CSMD2: variants seen among roughly 807,000 people sequenced by gnomAD.
CSMD2 encodes the protein CUB and sushi domain-containing protein 2.
In CSMD2, 130 loss-of-function variants were observed where a neutral mutation model predicts 398.5. The ratio of observed to expected loss-of-function variants is 0.33; its 90% confidence interval spans 0.28 to 0.38. The LOEUF is 0.38. Among genes scored for constraint, CSMD2 ranks in the 10% least tolerant of loss-of-function variants. The probability of loss-of-function intolerance (pLI) is 1.00; values close to 1 mark genes in which losing one functional copy is unlikely to be tolerated. For synonymous variants in CSMD2, 1,828 were observed against 1,908.5 expected, an observed-to-expected ratio of 0.96 and a Z score of 1.10; for missense variants, 3,829 against 4,764.9, an observed-to-expected ratio of 0.80 and a Z score of 5.78.
At chr1:33,829,438 C>T (rs146887420) in intron 6 of CSMD2, among the ~76,000 whole-genome samples, 50 of 152,286 alleles carry the variant, frequency 3.3e-4, no homozygotes, top group African/African-American at 1.1e-3. Context: ...ATGTGCACAA[C>T]GTGCAGTTTT....
At chr1:33,601,125 G>T in intron 43 of CSMD2, 115 bp from the exon 44 acceptor site, 1 of 1,356,574 alleles carries the variant, frequency 7.4e-7, no homozygotes, top group Non-Finnish European at 1.0e-6. Context: ...GATTCTTTTT[G>T]TACCAACACT....
At chr1:33,544,770 C>A (rs915803371) in intron 57 of CSMD2, among the ~76,000 whole-genome samples, 20 of 150,754 alleles carry the variant, frequency 1.3e-4, no homozygotes, top group Non-Finnish European at 2.9e-4. Flanking sequence ...AGACTATAGT[C>A]AAAAATGTAT....
At chr1:33,631,124 A>C (rs1459443031) in intron 32 of CSMD2, among the ~76,000 whole-genome samples, 1 of 152,126 alleles carries the variant, frequency 6.6e-6, no homozygotes, top group Admixed American at 6.5e-5. Context: ...AAATTAAAAA[A>C]AACCCACAAA....
In CSMD2 at chr1:33,771,423, A is replaced by AT. The variant is rs536590996; in HGVS notation, c.1846+1145dup. Among the ~76,000 whole-genome samples, 1,088 of 150,694 alleles carry AT rather than the reference A, an allele frequency of 7.2e-3. 3 individuals carry two copies. The highest frequency in any genetic ancestry group is 0.031 in the Middle Eastern group (9 of 290). ...GGGATGGGCAGATATCATGCAATTT[A>AT]TTTTTTTTTCAATAAGGGTGAGTTG... On this transcript the variant is annotated intron_variant, in intron 13 of 70. Transcript: ENST00000373381.
chr1:33,684,201 G>C (rs1644993442), intron 25 of CSMD2, among the ~76,000 whole-genome samples: 1 of 152,160 alleles, frequency 6.6e-6, no homozygotes, highest in African/African-American at 2.4e-5. Context: ...ACTGGGCAGG[G>C]GTCCTGGTTA....
intron 6 of CSMD2, among the ~76,000 whole-genome samples, chr1:33,831,204 A>T (rs1339461098): frequency 2.6e-5 from 4 of 152,000 alleles, no homozygotes; most frequent in African/African-American, 9.7e-5. Context: ...TAAGACACAT[A>T]ATTGTCAGAT....
At chr1:34,012,457 C>CT (rs1383022447) in intron 3 of CSMD2, among the ~76,000 whole-genome samples, 1 of 149,882 alleles carries the variant, frequency 6.7e-6, no homozygotes, top group African/African-American at 2.5e-5. Context: ...TTTTTTTTTT[C>CT]TTTTTTGAGA....
At chr1:33,644,608 T>G (rs1371645380) in intron 29 of CSMD2, among the ~76,000 whole-genome samples, 4 of 152,144 alleles carry the variant, frequency 2.6e-5, no homozygotes, top group Non-Finnish European at 5.9e-5. Context: ...GGTACAGTTT[T>G]GCAAGGTTTA....
At chr1:33,973,360 G>A (rs1645842142) in intron 3 of CSMD2, among the ~76,000 whole-genome samples, 1 of 152,200 alleles carries the variant, frequency 6.6e-6, no homozygotes, top group Non-Finnish European at 1.5e-5. Context: ...CACAGGAGAT[G>A]GGGTCTGAAA....
Position 33,558,222 on chromosome 1 carries a change from C to T in CSMD2, c.8555-300G>A, listed in dbSNP as rs1358430968. On this transcript the variant is annotated intron_variant, in intron 54 of 70. Transcript: ENST00000373381. The stretch of plus-strand genomic sequence containing the variant: ...CTGTGCTGTGACTTGTTTGAACACA[C>T]GAGTCCCTTGAGGGCATGAATGTCT... Among the ~76,000 whole-genome samples the T allele has an allele frequency of 3.3e-5, 5 of 151,256 alleles. No individual in the cohort carries two copies. In the East Asian group the frequency reaches 7.7e-4, roughly 23 times the overall value.
intron 57 of CSMD2, among the ~76,000 whole-genome samples, chr1:33,543,871 T>C (rs943504212): frequency 2.0e-5 from 3 of 152,202 alleles, no homozygotes; most frequent in African/African-American, 7.2e-5. Flanking sequence ...GTTGGTTTCC[T>C]AGCAAACTCC....
chr1:33,799,214 A>G (rs1475592537), intron 10 of CSMD2, among the ~76,000 whole-genome samples: 1 of 152,230 alleles, frequency 6.6e-6, no homozygotes, highest in Non-Finnish European at 1.5e-5. Flanking sequence ...AAAAAACAAA[A>G]CCTACAACAT....
intron 3 of CSMD2, among the ~76,000 whole-genome samples, chr1:34,027,381 TG>T (rs1472681009): frequency 2.0e-5 from 3 of 152,162 alleles, no homozygotes; most frequent in Admixed American, 6.5e-5. Context: ...ACTGGCAAGG[TG>T]GGAGGAATGG....
At chr1:33,539,900 G>A (rs1656171306) in intron 60 of CSMD2, among the ~76,000 whole-genome samples, 1 of 152,200 alleles carries the variant, frequency 6.6e-6, no homozygotes, top group African/African-American at 2.4e-5. Context: ...AGTATCATGA[G>A]TATGTGGATA....
intron 2 of CSMD2, among the ~76,000 whole-genome samples, chr1:34,067,908 A>G (rs780049971): frequency 6.6e-6 from 1 of 152,214 alleles, no homozygotes; most frequent in Non-Finnish European, 1.5e-5. Flanking sequence ...GACTCCAGGA[A>G]GTCAGGATTG....
At chr1:33,621,618 T>G (rs1165639548) in intron 37 of CSMD2, among the ~76,000 whole-genome samples, 2 of 152,176 alleles carry the variant, frequency 1.3e-5, no homozygotes, top group African/African-American at 4.8e-5. Context: ...AGTCCCAGTA[T>G]GCAAGCAGTT....
intron 3 of CSMD2, among the ~76,000 whole-genome samples, chr1:34,010,078 C>T (rs1295385582): frequency 1.3e-5 from 2 of 152,214 alleles, no homozygotes; most frequent in African/African-American, 4.8e-5. Context: ...TGTTCAGATC[C>T]TTAATATTCA....
intron 32 of CSMD2, among the ~76,000 whole-genome samples, chr1:33,632,517 C>A (rs1368430494): frequency 6.6e-6 from 1 of 152,014 alleles, no homozygotes; most frequent in Non-Finnish European, 1.5e-5. Context: ...AAAAATTTAA[C>A]CTAACTAGTA....
rs986894805 is a variant in CSMD2 at position 33,963,412 on chromosome 1, CTTTAT to C, written c.518-27463_518-27459del. 7.2e-5 allele frequency among the ~76,000 whole-genome samples: 11 copies of C among 152,324 alleles called. 1 individual carries two copies. The highest frequency in any genetic ancestry group is 2.1e-4 in the South Asian group (1 of 4,818). ...TTGGCATATATTTAAAGTGTACACA[CTTTAT>C]TTTAACAACAAATATTTAAAATGTA... On this transcript the variant is annotated intron_variant, in intron 3 of 70. Transcript: ENST00000373381.
Sources: gnomAD v4.1 joint callset for allele counts (sites outside exome capture counted in the v4.1 genomes callset) on GRCh38, gnomAD v4.1.1 for gene constraint, MANE v1.5 for transcripts, NCBI Gene and HGNC (gene_info 2026-07-23, HGNC 2026-07-21) for gene names.